Variants in GDAP1L1 observed in about 807,000 individuals in gnomAD.
The protein encoded by GDAP1L1 is ganglioside-induced differentiation-associated protein 1-like 1.
GDAP1L1 carries 21 observed loss-of-function variants against 37.1 expected under a neutral mutation model. That is an observed-to-expected ratio of 0.57 (90% confidence interval 0.40 to 0.81). GDAP1L1 has a LOEUF of 0.81. Ranked by LOEUF, GDAP1L1 falls within the 40% of genes least tolerant of loss-of-function variation. The probability of loss-of-function intolerance (pLI) is 0.00; values close to 1 mark genes in which losing one functional copy is unlikely to be tolerated. For missense variants in GDAP1L1, 362 were observed against 491.6 expected (o/e 0.74, Z 2.49); for synonymous variants, 193 against 209.1 (o/e 0.92, Z 0.67).
chr20:44,276,607 C>T (rs2062585333), intron 5 of GDAP1L1, among the ~76,000 whole-genome samples: 1 of 152,016 alleles, frequency 6.6e-6, no homozygotes, highest in Admixed American at 6.6e-5. Context: ...TTACTTTTAC[C>T]ATTGCAGATA....
At chr20:44,254,422 T>C (rs1021323114) in intron 1 of GDAP1L1, among the ~76,000 whole-genome samples, 9 of 152,204 alleles carry the variant, frequency 5.9e-5, no homozygotes, top group Admixed American at 1.3e-4. Context: ...GCAACAGTTT[T>C]TCCCCCTCTC....
intron 5 of GDAP1L1, among the ~76,000 whole-genome samples, chr20:44,277,224 CCCAAAG>C (rs1314791039): frequency 1.3e-5 from 2 of 152,012 alleles, no homozygotes; most frequent in Non-Finnish European, 2.9e-5. Flanking sequence ...ACCCCGGCCT[CCCAAAG>C]TGCTGGGATT....
rs181028799 is a variant in GDAP1L1, at chr20:44,255,524, A to G, written c.181-1629A>G. 1.1e-3 allele frequency among the ~76,000 whole-genome samples: 157 copies of G among 141,728 alleles called. 3 individuals carry two copies. Among genetic ancestry groups the G allele is most frequent in the African/African-American group, 4.0e-3 (151 of 37,678 alleles). 93.0% of individuals were successfully genotyped at this position (141,728 alleles called of 152,430 possible). On this transcript the variant is annotated intron_variant, in intron 1 of 5. Transcript: ENST00000342560. ...ACCACTGCACTCCAGCCTGAGCAAC[A>G]GAGCGAGACTCTGTCTCAAAAAAAA...
chr20:44,277,479 A>T (rs1272239498), intron 5 of GDAP1L1, among the ~76,000 whole-genome samples: 1 of 152,164 alleles, frequency 6.6e-6, no homozygotes, highest in African/African-American at 2.4e-5. Context: ...AGGAAGCGGG[A>T]GAGAAGCAGA....
intron 3 of GDAP1L1, among the ~76,000 whole-genome samples, chr20:44,260,072 T>C (rs1234193992): frequency 6.6e-6 from 1 of 152,152 alleles, no homozygotes; most frequent in Admixed American, 6.5e-5. Context: ...CTTGAACATA[T>C]GCACCAAGAA....
chr20:44,268,831 G>A (rs368581818), intron 5 of GDAP1L1, among the ~76,000 whole-genome samples: 1 of 152,192 alleles, frequency 6.6e-6, no homozygotes, highest in Non-Finnish European at 1.5e-5. Context: ...GTGAGATCAC[G>A]GGCCTCAGAG....
chr20:44,275,731 T>A (rs1200371430), intron 5 of GDAP1L1, among the ~76,000 whole-genome samples: 1 of 152,150 alleles, frequency 6.6e-6, no homozygotes, highest in Non-Finnish European at 1.5e-5. Context: ...GAATTAAAGA[T>A]TTTTGAGCAA....
At position 44,258,531 on chromosome 20, in the gene GDAP1L1, C is replaced by G. The variant is rs1270964056; in HGVS notation, c.471C>G (p.Tyr157Ter). Reference sequence around the variant, plus strand: ...TGGACGCACTGCCCATGGATGCCTACACGCATGGCTGCATCCTGCATCCCG... The same window carrying G: ...TGGACGCACTGCCCATGGATGCCTAGACGCATGGCTGCATCCTGCATCCCG... The part of the protein sequence containing the change: ...ELLDALPMDA[Y>*]THGCILHPEL... Residue 157 changes from tyrosine (Y) to a stop codon, truncating the protein, a stop_gained, in exon 3 of 6, where the codon TAC becomes TAG. Coordinates refer to ENST00000342560, the MANE Select transcript of GDAP1L1 (RefSeq NM_024034.6). LOFTEE classifies it high-confidence loss of function. The G allele has an allele frequency of 6.3e-7, 1 of 1,582,284 alleles. No individual in the cohort carries two copies. The highest frequency in any genetic ancestry group is 8.6e-7 in the Non-Finnish European group (1 of 1,164,904).
intron 3 of GDAP1L1, 73 bp downstream of exon 3, chr20:44,258,680 C>A: frequency 9.0e-7 from 1 of 1,116,516 alleles, no homozygotes; most frequent in Non-Finnish European, 1.3e-6. Flanking sequence ...AAAGGATGTC[C>A]TCCCTCTCCT....
At chr20:44,270,374 T>G (rs1211335440) in intron 5 of GDAP1L1, among the ~76,000 whole-genome samples, 2 of 151,638 alleles carry the variant, frequency 1.3e-5, no homozygotes, top group South Asian at 2.1e-4. Context: ...GTTTCACCGT[T>G]TTAGCCGGGA....
At position 44,257,146 on chromosome 20, in the gene GDAP1L1, C is replaced by A; in HGVS notation, c.181-7C>A. 6.3e-7 allele frequency: 1 copy of A among 1,579,006 alleles called. No homozygotes were observed. Among genetic ancestry groups the A allele is most frequent in the South Asian group, 1.1e-5 (1 of 87,290 alleles). On this transcript the variant is annotated splice_region_variant and splice_polypyrimidine_tract_variant and intron_variant, in intron 1 of 5. Transcript: ENST00000342560. ...CGCCTTCCCCGCTCTGACCCTGGCG[C>A]CTGCAGGTGCGGCTGGTGATCGCCG...
At chr20:44,271,773 C>T (rs1383931972) in intron 5 of GDAP1L1, among the ~76,000 whole-genome samples, 1 of 151,966 alleles carries the variant, frequency 6.6e-6, no homozygotes, top group Non-Finnish European at 1.5e-5. Context: ...GCAGAGGCCA[C>T]GAAGACAGGA....
At chr20:44,249,226 C>A (rs2073393224) in intron 1 of GDAP1L1, among the ~76,000 whole-genome samples, 1 of 152,000 alleles carries the variant, frequency 6.6e-6, no homozygotes. Context: ...TTGGTAGAGA[C>A]AGGGTTTCAC....
chr20:44,265,486 G>A, intron 5 of GDAP1L1: 1 of 985,324 alleles, frequency 1.0e-6, no homozygotes, highest in Non-Finnish European at 1.2e-6. Flanking sequence ...ATGTGTATGG[G>A]AAGGCCGTAG....
intron 5 of GDAP1L1, among the ~76,000 whole-genome samples, chr20:44,265,984 CTAAG>C (rs1298543384): frequency 6.6e-6 from 1 of 152,162 alleles, no homozygotes; most frequent in Admixed American, 6.5e-5. Context: ...CCTGGTATGA[CTAAG>C]TGAGTAAAAA....
chr20:44,276,432 G>GAAAGAAAGAAAGAAAGAAAGA (rs2062579202), intron 5 of GDAP1L1, among the ~76,000 whole-genome samples: 1 of 140,868 alleles, frequency 7.1e-6, no homozygotes, highest in Non-Finnish European at 1.5e-5. Context: ...AAGAAAGAAA[G>GAAAGAAAGAAAGAAAGAAAGA]AAAGAAAGAA....
chr20:44,254,963 C>A (rs2073511658), intron 1 of GDAP1L1, among the ~76,000 whole-genome samples: 1 of 152,128 alleles, frequency 6.6e-6, no homozygotes, highest in Non-Finnish European at 1.5e-5. Context: ...TCCACAACAG[C>A]CCATTTCAAC....
intron 1 of GDAP1L1, among the ~76,000 whole-genome samples, chr20:44,254,954 C>T (rs2073511476): frequency 6.6e-6 from 1 of 151,708 alleles, no homozygotes; most frequent in African/African-American, 2.4e-5. Context: ...GGGGCTGTCT[C>T]CACAACAGCC....
Position 44,258,488 on chromosome 20 carries a change from T to C in GDAP1L1, c.428T>C (p.Leu143Pro). ...GGCAGCCTGCAGCACGCACGGGTGC[T>C]GCAGTACCGGGAGCTGCTGGACGCA... Reference protein sequence around the residue: ...EVGSLQHARVLQYRELLDALP... With the variant: ...EVGSLQHARVPQYRELLDALP... Residue 143 changes from leucine to proline, a missense_variant, in exon 3 of 6, where the codon CTG (leucine) becomes CCG (proline). Transcript: ENST00000342560. 6.4e-7 allele frequency: 1 copy of C among 1,559,388 alleles called. No homozygotes were observed. The highest frequency in any genetic ancestry group is 8.7e-7 in the Non-Finnish European group (1 of 1,152,184).
Sources: gnomAD v4.1 joint callset for allele counts (sites outside exome capture counted in the v4.1 genomes callset) on GRCh38, gnomAD v4.1.1 for gene constraint, MANE v1.5 for transcripts, NCBI Gene and HGNC (gene_info 2026-07-23, HGNC 2026-07-21) for gene names.